Variants in CDH13 observed in about 807,000 individuals in gnomAD.
CDH13 encodes cadherin 13, also known as cadherin-13.
In CDH13, 24 loss-of-function variants were observed where a neutral mutation model predicts 63.8. The ratio of observed to expected loss-of-function variants is 0.38; its 90% CI spans 0.27 to 0.53. The LOEUF is 0.53. Ranked by LOEUF, CDH13 falls within the 20% of genes least tolerant of loss-of-function variation. CDH13 has a pLI of 0.85. For synonymous variants in CDH13, 503 were observed against 355.3 expected, an observed-to-expected ratio of 1.42 and a Z score of -4.67; for missense variants, 1,049 against 903.1, an observed-to-expected ratio of 1.16 and a Z score of -2.07.
At chr16:82,880,874 C>T (rs1265128609) in intron 2 of CDH13, among the ~76,000 whole-genome samples, 1 of 152,154 alleles carries the variant, frequency 6.6e-6, no homozygotes, top group African/African-American at 2.4e-5. Context: ...CTGAGAACCT[C>T]AGTGTTACCA....
chr16:83,336,204 G>A (rs559637222), intron 5 of CDH13, among the ~76,000 whole-genome samples: 1 of 150,490 alleles, frequency 6.6e-6, no homozygotes, highest in African/African-American at 2.5e-5. Flanking sequence ...AGGAGGCTGA[G>A]ACAGGAGAAT....
At chr16:82,829,852 C>G (rs75298476) in intron 1 of CDH13, among the ~76,000 whole-genome samples, 6,504 of 152,272 alleles carry the variant, frequency 0.043, 480 homozygotes, top group African/African-American at 0.15. Flanking sequence ...TTTGTTTTCT[C>G]TGCTGAAGCT....
intron 4 of CDH13, among the ~76,000 whole-genome samples, chr16:83,136,685 G>C (rs564615262): frequency 1.3e-5 from 2 of 152,006 alleles, no homozygotes; most frequent in Non-Finnish European, 2.9e-5. Context: ...GTGGACAGAC[G>C]ATCAAACACC....
rs1183820066 is a variant in CDH13, at chr16:83,216,416, A to G, written c.484-929A>G. On this transcript the variant is annotated intron_variant, in intron 4 of 13. Transcript: ENST00000567109. ...CATTGAAATATATATATATATATAT[A>G]TATATATATATATATATATATATAT... Among the ~76,000 whole-genome samples the G allele has an allele frequency of 5.9e-4, 53 of 90,294 alleles. 2 individuals carry two copies. Among genetic ancestry groups the G allele is most frequent in the African/African-American group, 1.4e-3 (35 of 24,284 alleles). 59.2% of individuals were successfully genotyped at this position (90,294 alleles called of 152,430 possible). A position where few individuals can be genotyped will look rare whatever the true frequency, so the allele number is the denominator to read the frequency against.
intron 1 of CDH13, among the ~76,000 whole-genome samples, chr16:82,636,240 GA>G (rs1279059710): frequency 6.6e-6 from 1 of 152,110 alleles, no homozygotes; most frequent in Non-Finnish European, 1.5e-5. Flanking sequence ...GTCAAACAAG[GA>G]GACCAGGTGT....
At chr16:83,016,955 C>T (rs543713896) in intron 2 of CDH13, among the ~76,000 whole-genome samples, 51 of 152,220 alleles carry the variant, frequency 3.4e-4, no homozygotes, top group African/African-American at 9.6e-4. Flanking sequence ...TTATTTGATG[C>T]GATCTTGGGA....
At chr16:82,703,331 C>A (rs572364101) in intron 1 of CDH13, among the ~76,000 whole-genome samples, 2 of 152,238 alleles carry the variant, frequency 1.3e-5, no homozygotes, top group South Asian at 4.2e-4. Flanking sequence ...CAGCTTCTCA[C>A]TGTGAACCCT....
chr16:82,922,044 T>C (rs1298551132), intron 2 of CDH13, among the ~76,000 whole-genome samples: 1 of 152,222 alleles, frequency 6.6e-6, no homozygotes, highest in Non-Finnish European at 1.5e-5. Context: ...AGTCTAACTG[T>C]TGGCATAAAA....
intron 9 of CDH13, among the ~76,000 whole-genome samples, chr16:83,677,252 A>G (rs1915035331): frequency 6.6e-6 from 1 of 152,192 alleles, no homozygotes; most frequent in Non-Finnish European, 1.5e-5. Context: ...ACCAATGTTT[A>G]TCATGGAGTT....
chr16:82,645,873 C>T (rs12931356), intron 1 of CDH13, among the ~76,000 whole-genome samples: 28,383 of 152,114 alleles, frequency 0.19, 2,724 homozygotes, highest in Middle Eastern at 0.25. Context: ...CTAAGGTATT[C>T]GTAAGGAATT....
chr16:82,739,172 T>A (rs1417689005), intron 1 of CDH13, among the ~76,000 whole-genome samples: 4 of 152,236 alleles, frequency 2.6e-5, no homozygotes, highest in Admixed American at 6.5e-5. Flanking sequence ...AGATAACTTG[T>A]TAATTGCTTA....
chr16:83,428,904 G>C (rs2072001407), intron 6 of CDH13, among the ~76,000 whole-genome samples: 1 of 152,210 alleles, frequency 6.6e-6, no homozygotes. Flanking sequence ...CTGTTGCACT[G>C]GGCCAATCCA....
intron 7 of CDH13, among the ~76,000 whole-genome samples, chr16:83,543,443 GCTGA>G (rs1257996591): frequency 6.6e-6 from 1 of 152,172 alleles, no homozygotes; most frequent in Non-Finnish European, 1.5e-5. Flanking sequence ...CATTTGAGGC[GCTGA>G]CTATGATGAT....
chr16:82,906,482 A>C (rs1419150243), intron 2 of CDH13, among the ~76,000 whole-genome samples: 2 of 152,180 alleles, frequency 1.3e-5, no homozygotes, highest in Non-Finnish European at 2.9e-5. Context: ...AATAATAACC[A>C]CAAAAGGATA....
At chr16:82,988,710 C>A (rs1401551882) in intron 2 of CDH13, among the ~76,000 whole-genome samples, 1 of 148,832 alleles carries the variant, frequency 6.7e-6, no homozygotes, top group African/African-American at 2.5e-5. Context: ...TGCAGTGAGC[C>A]AAGATCGCAC....
rs140676209 is a variant in CDH13 at position 83,544,917 on chromosome 16, G to A, written c.961-57537G>A. Among the ~76,000 whole-genome samples, 141 of 152,290 alleles carry A rather than the reference G, an allele frequency of 9.3e-4. 2 individuals are homozygous for A. Among genetic ancestry groups the A allele is most frequent in the African/African-American group, 3.1e-3 (127 of 41,556 alleles). ...ATGTTAGTTCTTCTCCCCGTTAGCCGTCATTACATTCACAGGTATTAAGAA... is the reference window on the plus strand; with the variant it reads ...ATGTTAGTTCTTCTCCCCGTTAGCCATCATTACATTCACAGGTATTAAGAA... On this transcript the variant is annotated intron_variant, in intron 7 of 13. Coordinates refer to ENST00000567109, the MANE Select transcript of CDH13 (RefSeq NM_001257.5).
chr16:83,760,430 G>C (rs1913871140), intron 11 of CDH13, among the ~76,000 whole-genome samples: 1 of 152,172 alleles, frequency 6.6e-6, no homozygotes, highest in Non-Finnish European at 1.5e-5. Flanking sequence ...CCCAAAGTTG[G>C]AAATTATCCA....
intron 3 of CDH13, among the ~76,000 whole-genome samples, chr16:83,066,834 A>G (rs1016729755): frequency 6.6e-6 from 1 of 152,180 alleles, no homozygotes; most frequent in African/African-American, 2.4e-5. Context: ...TGGAAGACCA[A>G]TTCATAATCA....
chr16:83,265,777 T>C (rs1749010511), intron 5 of CDH13, among the ~76,000 whole-genome samples: 1 of 142,010 alleles, frequency 7.0e-6, no homozygotes, highest in African/African-American at 2.6e-5. Context: ...TTAGAAGGGT[T>C]GTTCACATTC....
Sources: allele counts gnomAD v4.1 joint callset (sites outside exome capture counted in the v4.1 genomes callset), GRCh38; gene constraint gnomAD v4.1.1; transcripts MANE v1.5; gene names NCBI Gene and HGNC (gene_info 2026-07-23, HGNC 2026-07-21).